Variants in CCDC92B observed in about 807,000 individuals in gnomAD.
CCDC92B encodes coiled-coil domain-containing 92B.
CCDC92B carries 2 observed loss-of-function variants against 5.6 expected under a neutral mutation model. The ratio of observed to expected loss-of-function variants is 0.36; its 90% CI spans 0.15 to 1.12. The LOEUF (loss-of-function observed/expected upper bound fraction) is 1.12. Ranked by LOEUF, CCDC92B falls within the 50% of genes most tolerant of loss-of-function variation. The pLI is 0.40. For missense variants in CCDC92B, 271 were observed against 262.2 expected (o/e 1.03, Z -0.23); for synonymous variants, 115 against 122.3 (o/e 0.94, Z 0.39).
Position 2,746,512 on chromosome 17 carries a change from AACCTTCTG to A in CCDC92B, c.-24+2891_-24+2898del, listed in dbSNP as rs144966350. Among the ~76,000 whole-genome samples, 171 of 152,128 alleles carry A rather than the reference AACCTTCTG, an allele frequency of 1.1e-3. 3 individuals carry two copies. The East Asian group carries it at 0.029, about 25-fold the overall frequency. On this transcript the variant is annotated intron_variant, in intron 1 of 3. Coordinates refer to ENST00000614400, the MANE Select transcript of CCDC92B (RefSeq NM_001355573.2). ...ACACGGGTAGAGTGTCAGACTCAGG[AACCTTCTG>A]ACCCTGGCACAGTTGGGACTCTCTG...
At position 2,724,601 on chromosome 17, in the gene CCDC92B, G is replaced by A. The variant is rs12939095; in HGVS notation, c.578C>T (p.Ala193Val). The A allele has an allele frequency of 2.0e-6, 2 of 981,910 alleles. No homozygotes were observed. The highest frequency in any genetic ancestry group is 3.5e-5 in the African/African-American group (2 of 56,776). The allele number at this position is 981,910 out of a possible 1,614,324, so 60.8% of individuals were successfully genotyped here. ...AAKGPGRDWA[A>V]WDRGAGALDD... ...GAGGGCGCCGGCCCCGCGGTCCCAG[G>A]CGGCCCAGTCCCGGCCGGGGCCCTT... The change falls in exon 4 of 4, where the codon GCC becomes GTC. Residue 193 changes from alanine to valine, a missense_variant. Transcript: ENST00000614400. The surrounding 1 kb of genome is among the most constrained non-coding windows in gnomAD (Gnocchi z 5.0).
chr17:2,741,851 C>T (rs1334218411), intron 1 of CCDC92B, among the ~76,000 whole-genome samples: 2 of 150,962 alleles, frequency 1.3e-5, no homozygotes, highest in African/African-American at 2.4e-5. Flanking sequence ...CTCAGCCTCC[C>T]AAAGTACTGG....
intron 1 of CCDC92B, among the ~76,000 whole-genome samples, chr17:2,737,339 G>C (rs900506075): frequency 2.0e-5 from 3 of 151,866 alleles, no homozygotes; most frequent in Non-Finnish European, 4.4e-5. Flanking sequence ...GAAAAATCCA[G>C]ATTTTCATTT....
chr17:2,742,686 C>T (rs1161634197), intron 1 of CCDC92B, among the ~76,000 whole-genome samples: 1 of 152,120 alleles, frequency 6.6e-6, no homozygotes, highest in Non-Finnish European at 1.5e-5. Flanking sequence ...TATTTATATG[C>T]TATTGACCGC....
At position 2,743,955 on chromosome 17, in the gene CCDC92B, G is replaced by A. The variant is rs184495824; in HGVS notation, c.-24+5456C>T. 5.9e-3 allele frequency among the ~76,000 whole-genome samples: 894 copies of A among 151,886 alleles called. 28 individuals carry two copies. Among genetic ancestry groups the A allele is most frequent in the Admixed American group, 0.052 (788 of 15,202 alleles). ...TGCAATGGCGCGATCTCAGCTCACC[G>A]CAACCTCCACCTCCCGGGTTCGAGC... On this transcript the variant is annotated intron_variant, in intron 1 of 3. Transcript: ENST00000614400.
chr17:2,727,246 C>A (rs1052575318), intron 3 of CCDC92B, among the ~76,000 whole-genome samples: 1 of 152,174 alleles, frequency 6.6e-6, no homozygotes, highest in African/African-American at 2.4e-5. Context: ...AGGTTTCAAC[C>A]CTGGATAGAC....
rs2070682448 is a variant in CCDC92B, at chr17:2,723,503, T to G, written c.*908A>C. On this transcript the variant is annotated 3_prime_UTR_variant, in exon 4 of 4. Transcript: ENST00000614400. ...ACCGCGCCCAGCCAAGGCTCTCTTC[T>G]TCTTGTCTCTGGGTGCAGCCAGCTG... 5 of 152,358 alleles carry G rather than the reference T, an allele frequency of 3.3e-5. No individual in the cohort carries two copies. Among genetic ancestry groups the G allele is most frequent in the African/African-American group, 1.2e-4 (5 of 41,440 alleles). The allele number at this position is 152,358 out of a possible 1,614,324, so 9.4% of individuals were successfully genotyped here. A position where few individuals can be genotyped will look rare whatever the true frequency, so the allele number is the denominator to read the frequency against.
At chr17:2,728,092 G>A (rs2070753842) in intron 3 of CCDC92B, among the ~76,000 whole-genome samples, 2 of 152,106 alleles carry the variant, frequency 1.3e-5, no homozygotes, top group African/African-American at 2.4e-5. Context: ...TTGGGAGGCT[G>A]AGGGGGGCAA....
intron 1 of CCDC92B, among the ~76,000 whole-genome samples, chr17:2,747,285 T>C (rs2070998002): frequency 6.6e-6 from 1 of 152,246 alleles, no homozygotes; most frequent in Non-Finnish European, 1.5e-5. Flanking sequence ...ATCTTTGTGT[T>C]GTTCTTAACA....
At position 2,724,689 on chromosome 17, in the gene CCDC92B, G is replaced by A. The variant is rs1225536534; in HGVS notation, c.490C>T (p.Pro164Ser). The A allele has an allele frequency of 1.4e-5, 14 of 982,394 alleles. No homozygotes were observed. In the South Asian group the frequency reaches 5.4e-4, roughly 38 times the overall value. 60.9% of individuals were successfully genotyped at this position (982,394 alleles called of 1,614,324 possible). The change falls in exon 4 of 4, where the codon CCC becomes TCC. Residue 164 changes from proline to serine, a missense_variant. Physicochemically the swap from Pro to Ser is moderately conservative, Grantham distance 74. Transcript: ENST00000614400. The surrounding 1 kb of genome is among the most constrained non-coding windows in gnomAD (Gnocchi z 5.0). ...PRPGPGATAE[P>S]RPRRRALRAR... ...CGCAGTGCGCGGCGGCGTGGCCTGG[G>A]CTCGGCGGTGGCGCCGGGGCCCGGG...
intron 1 of CCDC92B, among the ~76,000 whole-genome samples, chr17:2,746,354 C>T (rs2070986340): frequency 6.6e-6 from 1 of 152,158 alleles, no homozygotes; most frequent in East Asian, 1.9e-4. Flanking sequence ...ATTAAAAAGA[C>T]CCTAACACAA....
intron 2 of CCDC92B, among the ~76,000 whole-genome samples, chr17:2,730,939 C>A (rs1316701999): frequency 6.6e-6 from 1 of 152,222 alleles, no homozygotes; most frequent in African/African-American, 2.4e-5. Context: ...GTGTCCAGAA[C>A]TGCCTGGCGG....
At chr17:2,738,942 G>A (rs1333201587) in intron 1 of CCDC92B, among the ~76,000 whole-genome samples, 1 of 151,580 alleles carries the variant, frequency 6.6e-6, no homozygotes, top group Non-Finnish European at 1.5e-5. Flanking sequence ...ATGGTGGCAT[G>A]CACCTGAAGT....
At chr17:2,731,609 C>T (rs2070795794) in intron 2 of CCDC92B, among the ~76,000 whole-genome samples, 2 of 152,202 alleles carry the variant, frequency 1.3e-5, no homozygotes, top group African/African-American at 4.8e-5. Context: ...TCCAGAGACC[C>T]AGGGCTTTGC....
At chr17:2,731,557 G>A (rs1284732880) in intron 2 of CCDC92B, among the ~76,000 whole-genome samples, 1 of 152,216 alleles carries the variant, frequency 6.6e-6, no homozygotes, top group African/African-American at 2.4e-5. Flanking sequence ...CAGGGGCCTT[G>A]TGACCCCTCT....
chr17:2,726,144 C>T (rs2070726506), intron 3 of CCDC92B, among the ~76,000 whole-genome samples: 1 of 147,358 alleles, frequency 6.8e-6, no homozygotes, highest in African/African-American at 2.5e-5. Flanking sequence ...TACAGGTGCA[C>T]ACCACCACAC....
chr17:2,728,127 A>G (rs2070754101), intron 3 of CCDC92B, among the ~76,000 whole-genome samples: 2 of 149,170 alleles, frequency 1.3e-5, no homozygotes, highest in South Asian at 4.3e-4. Flanking sequence ...GGAGTTCAAA[A>G]CCAGCCTGGG....
Position 2,724,204 on chromosome 17 carries a change from G to A in CCDC92B, c.*207C>T. On this transcript the variant is annotated 3_prime_UTR_variant, in exon 4 of 4. Coordinates refer to ENST00000614400, the MANE Select transcript of CCDC92B (RefSeq NM_001355573.2). This position sits in a 1 kb window ranked among gnomAD's most constrained non-coding sequence, Gnocchi z 5.0. Reference sequence around the variant, plus strand: ...CGCTCGGCCCCGCGGAGGAACTCTCGCGCGAGGAGAGGGCTCGAAGCTTTG... The same window carrying A: ...CGCTCGGCCCCGCGGAGGAACTCTCACGCGAGGAGAGGGCTCGAAGCTTTG... 4.1e-6 allele frequency: 4 copies of A among 985,304 alleles called. No homozygotes were observed. The South Asian group carries it at 1.9e-4, about 46-fold the overall frequency. The allele number at this position is 985,304 out of a possible 1,614,324, so 61.0% of individuals were successfully genotyped here.
At chr17:2,749,229 G>A (rs2071025722) in intron 1 of CCDC92B, among the ~76,000 whole-genome samples, 182 bp downstream of exon 1, 1 of 152,132 alleles carries the variant, frequency 6.6e-6, no homozygotes, top group Non-Finnish European at 1.5e-5. Context: ...GCAGGGCCCG[G>A]GTCTGGGCGG....
Sources: gnomAD v4.1 joint callset for allele counts (sites outside exome capture counted in the v4.1 genomes callset) on GRCh38, gnomAD v4.1.1 for gene constraint, Gnocchi (gnomAD v3.1) non-coding constraint, MANE v1.5 for transcripts, NCBI Gene and HGNC (gene_info 2026-07-23, HGNC 2026-07-21) for gene names.